BRD10: variants seen among roughly 807,000 people sequenced by gnomAD.
BRD10 encodes uncharacterized bromodomain-containing protein 10.
chr9:5,973,776 G>A, the BRD10 span, among the ~76,000 whole-genome samples: 1 of 152,174 alleles, frequency 6.6e-6, no homozygotes, highest in Non-Finnish European at 1.5e-5. Flanking sequence ...CAGCTATTCA[G>A]GAGGGCGAGG....
chr9:5,957,481 TAAAG>T, the BRD10 span, among the ~76,000 whole-genome samples: 1 of 152,150 alleles, frequency 6.6e-6, no homozygotes, highest in African/African-American at 2.4e-5. Flanking sequence ...TTATCACAGA[TAAAG>T]AAACAGGCTA....
At chr9:6,006,998 C>A in the BRD10 span, among the ~76,000 whole-genome samples, 1 of 152,204 alleles carries the variant, frequency 6.6e-6, no homozygotes, top group Non-Finnish European at 1.5e-5. Context: ...TCAGTCTACG[C>A]GCAAGCCGGG....
the BRD10 span, chr9:5,928,907 T>G: frequency 1.3e-5 from 7 of 540,448 alleles, no homozygotes; most frequent in South Asian, 2.2e-4. Flanking sequence ...GAAAGAGCCT[T>G]GCACACAGTG....
chr9:5,965,569 T>A, the BRD10 span, among the ~76,000 whole-genome samples: 2 of 152,222 alleles, frequency 1.3e-5, no homozygotes, highest in Non-Finnish European at 2.9e-5. Flanking sequence ...CAGGAGTAAT[T>A]CCCACTGGGG....
chr9:5,898,636 G>C, the BRD10 span, among the ~76,000 whole-genome samples: 1 of 152,146 alleles, frequency 6.6e-6, no homozygotes, highest in African/African-American at 2.4e-5. Context: ...AGGGGTTTGA[G>C]GTTCCCTTAT....
chr9:5,920,816 G>A, the BRD10 span: 2 of 1,613,886 alleles, frequency 1.2e-6, no homozygotes, highest in African/African-American at 2.7e-5. Context: ...TACTGGTTGT[G>A]TAGTTGAAAT....
chr9:5,994,350 A>G, the BRD10 span, among the ~76,000 whole-genome samples: 63 of 152,328 alleles, frequency 4.1e-4, no homozygotes, highest in African/African-American at 1.5e-3. Context: ...CCAGATCATG[A>G]AAGTCTGGAG....
chr9:5,950,518 T>G, the BRD10 span, among the ~76,000 whole-genome samples: 1 of 152,184 alleles, frequency 6.6e-6, no homozygotes, highest in Non-Finnish European at 1.5e-5. Context: ...TGCAGAACCC[T>G]TGTGTTTAAC....
At chr9:5,993,573 T>C in the BRD10 span, among the ~76,000 whole-genome samples, 1 of 152,070 alleles carries the variant, frequency 6.6e-6, no homozygotes, top group Non-Finnish European at 1.5e-5. Context: ...CTAAGCCCAA[T>C]ATGGGTAGGA....
the BRD10 span, among the ~76,000 whole-genome samples, chr9:6,002,889 T>C: frequency 1.3e-5 from 2 of 152,132 alleles, no homozygotes; most frequent in Non-Finnish European, 2.9e-5. Context: ...TTCATCATGT[T>C]GGCCAAGCTA....
At chr9:5,956,987 T>G in the BRD10 span, among the ~76,000 whole-genome samples, 1 of 152,106 alleles carries the variant, frequency 6.6e-6, no homozygotes. Context: ...GGGATGCAGG[T>G]AACTGTTTAC....
chr9:5,991,314 C>T, the BRD10 span, among the ~76,000 whole-genome samples: 10 of 152,042 alleles, frequency 6.6e-5, no homozygotes, highest in Admixed American at 6.6e-4. Flanking sequence ...TGTCTGTACA[C>T]GCATGAGTTC....
the BRD10 span, chr9:5,923,160 C>G: frequency 6.2e-7 from 1 of 1,613,974 alleles, no homozygotes; most frequent in East Asian, 2.2e-5. Flanking sequence ...GGAGAAAGCT[C>G]TTTTGTGCTG....
the BRD10 span, among the ~76,000 whole-genome samples, chr9:5,995,090 G>A: frequency 3.3e-5 from 5 of 152,016 alleles, no homozygotes; most frequent in East Asian, 3.9e-4. Flanking sequence ...CAATAGAGAC[G>A]GGGTTTCTCC....
chr9:6,006,466 T>G, the BRD10 span, among the ~76,000 whole-genome samples: 1 of 152,236 alleles, frequency 6.6e-6, no homozygotes, highest in African/African-American at 2.4e-5. Context: ...TATAAAACAA[T>G]ACATTCATTT....
the BRD10 span, among the ~76,000 whole-genome samples, chr9:5,999,123 T>C: frequency 1.3e-5 from 2 of 152,028 alleles, no homozygotes; most frequent in Non-Finnish European, 2.9e-5. Flanking sequence ...TTTTTGGTTA[T>C]TGGCAAAGTT....
chr9:5,968,307 T>C, the BRD10 span: 2 of 1,610,958 alleles, frequency 1.2e-6, no homozygotes, highest in Non-Finnish European at 1.7e-6. Flanking sequence ...TTTACATGTA[T>C]TTGGCAAGAT....
the BRD10 span, chr9:5,920,635 C>A: frequency 6.2e-7 from 1 of 1,613,998 alleles, no homozygotes; most frequent in Non-Finnish European, 8.5e-7. Context: ...GTGAATGGAA[C>A]TGGAGTGAAG....
the BRD10 span, among the ~76,000 whole-genome samples, chr9:5,896,789 G>C: frequency 6.6e-6 from 1 of 152,204 alleles, no homozygotes; most frequent in Non-Finnish European, 1.5e-5. Context: ...ACTGAACACA[G>C]GGCCCAAGAG....
Sources: allele counts gnomAD v4.1 joint callset (sites outside exome capture counted in the v4.1 genomes callset), GRCh38; gene constraint gnomAD v4.1.1; transcripts MANE v1.5; gene names NCBI Gene and HGNC (gene_info 2026-07-23, HGNC 2026-07-21).